PTPRM: variants seen among roughly 807,000 people sequenced by gnomAD.
The protein encoded by PTPRM is receptor-type tyrosine-protein phosphatase mu.
Under a neutral mutation model 186.7 loss-of-function variants are expected in PTPRM, and 47 were observed. That is an observed-to-expected ratio of 0.25 (90% confidence interval 0.20 to 0.32). PTPRM has a LOEUF of 0.32. Among genes scored for constraint, PTPRM ranks in the 10% least tolerant of loss-of-function variants. The pLI is 1.00. For synonymous variants in PTPRM, 668 were observed against 674.9 expected (o/e 0.99, Z 0.16); for missense variants, 1,494 against 1,865.0 (o/e 0.80, Z 3.66).
chr18:7,634,141 T>C (rs1208028217), intron 1 of PTPRM, among the ~76,000 whole-genome samples: 2 of 152,196 alleles, frequency 1.3e-5, no homozygotes, highest in Non-Finnish European at 2.9e-5. Flanking sequence ...GCATATGTCC[T>C]CCTTGTAGCT....
At chr18:8,003,550 A>G (rs980517247) in intron 7 of PTPRM, among the ~76,000 whole-genome samples, 4 of 152,240 alleles carry the variant, frequency 2.6e-5, no homozygotes, top group African/African-American at 7.2e-5. Flanking sequence ...CTTGCAGAAG[A>G]TGGTCTGAGC....
intron 30 of PTPRM, among the ~76,000 whole-genome samples, chr18:8,385,038 G>A (rs1370136876): frequency 1.3e-5 from 2 of 152,146 alleles, no homozygotes; most frequent in Non-Finnish European, 2.9e-5. Context: ...GTGGGGGTCA[G>A]TGGATGGAAA....
At chr18:8,114,861 A>G in intron 13 of PTPRM, 34 bp downstream of exon 13, 1 of 1,580,532 alleles carries the variant, frequency 6.3e-7, no homozygotes, top group Non-Finnish European at 8.6e-7. Flanking sequence ...CTCCTAATTA[A>G]TGTTCCTTAA....
intron 2 of PTPRM, among the ~76,000 whole-genome samples, chr18:7,885,681 C>T (rs1343859298): frequency 6.6e-6 from 1 of 152,246 alleles, no homozygotes; most frequent in East Asian, 1.9e-4. Context: ...GGAGAAAAGA[C>T]TATAAAAGCT....
intron 5 of PTPRM, among the ~76,000 whole-genome samples, chr18:7,929,939 G>A (rs2051382366): frequency 6.6e-6 from 1 of 152,190 alleles, no homozygotes; most frequent in African/African-American, 2.4e-5. Flanking sequence ...TGAGATCCAG[G>A]CAGAAAATTG....
At chr18:8,005,992 G>A (rs1018770104) in intron 7 of PTPRM, among the ~76,000 whole-genome samples, 10 of 150,792 alleles carry the variant, frequency 6.6e-5, no homozygotes, top group African/African-American at 2.2e-4. Flanking sequence ...TAATTTATTT[G>A]GCATTACAGT....
At chr18:7,920,031 A>T (rs112369022) in intron 4 of PTPRM, among the ~76,000 whole-genome samples, 1 of 151,914 alleles carries the variant, frequency 6.6e-6, no homozygotes, top group African/African-American at 2.4e-5. Flanking sequence ...TTCCAGTTAG[A>T]TGGAGTATCT....
intron 11 of PTPRM, among the ~76,000 whole-genome samples, chr18:8,096,300 C>T (rs574239396): frequency 1.2e-4 from 19 of 152,314 alleles, no homozygotes; most frequent in African/African-American, 4.6e-4. Flanking sequence ...CCATGCCTGT[C>T]CCTGAAAAGG....
intron 7 of PTPRM, among the ~76,000 whole-genome samples, chr18:8,034,610 A>G (rs2148098341): frequency 6.6e-6 from 1 of 152,272 alleles, no homozygotes; most frequent in East Asian, 1.9e-4. Flanking sequence ...ACTCCATTAT[A>G]TTTCAGAGCC....
At chr18:8,323,916 A>C (rs1443098658) in intron 22 of PTPRM, among the ~76,000 whole-genome samples, 2 of 152,184 alleles carry the variant, frequency 1.3e-5, no homozygotes, top group Non-Finnish European at 2.9e-5. Flanking sequence ...AATTTCATTT[A>C]AGGTGGTTCA....
chr18:7,714,819 A>C (rs1383004381), intron 1 of PTPRM, among the ~76,000 whole-genome samples: 4 of 152,244 alleles, frequency 2.6e-5, no homozygotes. Flanking sequence ...TAAACCAGGA[A>C]GAAGTCAAAT....
intron 14 of PTPRM, 122 bp downstream of exon 14, chr18:8,143,901 GTGAT>G (rs930748832): frequency 1.6e-6 from 2 of 1,251,500 alleles, no homozygotes; most frequent in African/African-American, 3.0e-5. Flanking sequence ...CTGTGACTCT[GTGAT>G]TGTTAACATT....
intron 1 of PTPRM, among the ~76,000 whole-genome samples, chr18:7,714,024 A>G (rs768578048): frequency 2.6e-5 from 4 of 152,196 alleles, no homozygotes; most frequent in Non-Finnish European, 5.9e-5. Context: ...AAGTGGACCT[A>G]ATAGACATCT....
intron 1 of PTPRM, among the ~76,000 whole-genome samples, chr18:7,738,878 A>G (rs536936223): frequency 5.3e-4 from 81 of 152,302 alleles, no homozygotes; most frequent in African/African-American, 1.8e-3. Flanking sequence ...TTTGCTGAGC[A>G]TACTCAGATG....
intron 14 of PTPRM, among the ~76,000 whole-genome samples, chr18:8,240,907 G>A (rs147636965): frequency 0.01 from 1,560 of 152,100 alleles, 28 homozygotes; most frequent in African/African-American, 0.035. Flanking sequence ...TGTCAGCACC[G>A]TTTTTCCTAC....
intron 14 of PTPRM, among the ~76,000 whole-genome samples, chr18:8,186,110 G>A (rs987195466): frequency 1.3e-5 from 2 of 152,138 alleles, no homozygotes; most frequent in Admixed American, 6.5e-5. Context: ...GGCAGATCAC[G>A]AGGTCAAGAG....
intron 7 of PTPRM, among the ~76,000 whole-genome samples, chr18:7,974,080 T>G (rs1309951285): frequency 2.0e-5 from 3 of 152,082 alleles, no homozygotes; most frequent in Non-Finnish European, 4.4e-5. Flanking sequence ...CCTTTGCATT[T>G]TGCTTGACGT....
intron 11 of PTPRM, among the ~76,000 whole-genome samples, chr18:8,104,648 A>G (rs760891856): frequency 1.3e-5 from 2 of 152,080 alleles, no homozygotes; most frequent in East Asian, 1.9e-4. Context: ...GGGTCTCACT[A>G]TCTTGCACAA....
intron 1 of PTPRM, among the ~76,000 whole-genome samples, chr18:7,683,120 A>G (rs934664531): frequency 7.3e-5 from 11 of 151,550 alleles, no homozygotes; most frequent in African/African-American, 2.7e-4. Flanking sequence ...TGCACATTTA[A>G]TGACGACTGC....
Sources: gnomAD v4.1 joint callset for allele counts (sites outside exome capture counted in the v4.1 genomes callset) on GRCh38, gnomAD v4.1.1 for gene constraint, MANE v1.5 for transcripts, NCBI Gene and HGNC (gene_info 2026-07-23, HGNC 2026-07-21) for gene names.